Variants in ZBTB25 observed in about 807,000 individuals in gnomAD.
ZBTB25 encodes zinc finger and BTB domain containing 25, also known as zinc finger and BTB domain-containing protein 25.
ZBTB25 carries 20 observed loss-of-function variants against 34.2 expected under a neutral mutation model. The ratio of observed to expected loss-of-function variants is 0.58; its 90% CI spans 0.41 to 0.85. The LOEUF (loss-of-function observed/expected upper bound fraction) is 0.85, where lower values mean the gene tolerates loss of function less well. ZBTB25 is among the 40% of genes least tolerant of loss of function. The probability of loss-of-function intolerance (pLI) is 0.00; values close to 1 mark genes in which losing one functional copy is unlikely to be tolerated. For missense variants in ZBTB25, 437 were observed against 521.8 expected, an observed-to-expected ratio of 0.84 and a Z score of 1.58; for synonymous variants, 175 against 186.4, an observed-to-expected ratio of 0.94 and a Z score of 0.50.
rs537580963 is a variant in ZBTB25, at chr14:64,484,437, T to C, written c.*2486A>G. Reference sequence around the variant, plus strand: ...TGGCTCACACCTGTAATCCCAGCACTATGGGAGGCCGAGGCTGGTGCATGA... The same window carrying C: ...TGGCTCACACCTGTAATCCCAGCACCATGGGAGGCCGAGGCTGGTGCATGA... On this transcript the variant is annotated 3_prime_UTR_variant, in exon 3 of 3. Coordinates refer to ENST00000608382, the MANE Select transcript of ZBTB25 (RefSeq NM_006977.5). The C allele has an allele frequency of 6.6e-6, 1 of 152,438 alleles. No homozygotes were observed. The highest frequency in any genetic ancestry group is 2.4e-5 in the African/African-American group (1 of 41,552). 9.4% of individuals were successfully genotyped at this position (152,438 alleles called of 1,614,324 possible).
chr14:64,485,142 C>T lies in ZBTB25; in HGVS notation c.*1781G>A. The T allele has an allele frequency of 1.0e-6, 1 of 985,396 alleles. No homozygotes were observed. The highest frequency in any genetic ancestry group is 1.2e-6 in the Non-Finnish European group (1 of 829,928). The allele number at this position is 985,396 out of a possible 1,614,324, so 61.0% of individuals were successfully genotyped here. A position where few individuals can be genotyped will look rare whatever the true frequency, so the allele number is the denominator to read the frequency against. ...AAAAACTTACCACTTTGTAATTTAC[C>T]TAAACTGTTTACCTAGAGAAAACCT... On this transcript the variant is annotated 3_prime_UTR_variant, in exon 3 of 3. Coordinates refer to ENST00000608382, the MANE Select transcript of ZBTB25 (RefSeq NM_006977.5).
chr14:64,500,624 G>A (rs1212149232), intron 1 of ZBTB25, among the ~76,000 whole-genome samples: 7 of 151,576 alleles, frequency 4.6e-5, no homozygotes, highest in Non-Finnish European at 8.8e-5. Flanking sequence ...TGGTGAAACC[G>A]TCTCTACTAA....
At position 64,483,023 on chromosome 14, in the gene ZBTB25, A is replaced by C. The variant is rs2078812049; in HGVS notation, c.*3900T>G. 6.6e-6 allele frequency: 1 copy of C among 152,238 alleles called. No individual in the cohort carries two copies. The highest frequency in any genetic ancestry group is 1.5e-5 in the Non-Finnish European group (1 of 68,036). 9.4% of individuals were successfully genotyped at this position (152,238 alleles called of 1,614,324 possible). A position where few individuals can be genotyped will look rare whatever the true frequency, so the allele number is the denominator to read the frequency against. On this transcript the variant is annotated 3_prime_UTR_variant, in exon 3 of 3. Coordinates refer to ENST00000608382, the MANE Select transcript of ZBTB25 (RefSeq NM_006977.5). The stretch of plus-strand genomic sequence containing the variant: ...TGTGCTGAGTTCTGATGATACGCTA[A>C]TAAGAACAAATACTAAAACAGTCTC...
chr14:64,466,200 A>T (rs2078611497), intron 2 of ZBTB25, among the ~76,000 whole-genome samples: 1 of 152,192 alleles, frequency 6.6e-6, no homozygotes, highest in Non-Finnish European at 1.5e-5. Flanking sequence ...GGACTTTAAG[A>T]TTTCCTGAGG....
At position 64,484,956 on chromosome 14, in the gene ZBTB25, T is replaced by C; in HGVS notation, c.*1967A>G. On this transcript the variant is annotated 3_prime_UTR_variant, in exon 3 of 3. Coordinates refer to ENST00000608382, the MANE Select transcript of ZBTB25 (RefSeq NM_006977.5). ...GACAAAGTTCTGACCCCAAAGAACA[T>C]ACATTTGTTTTAATTACTCCCAATA... The C allele has an allele frequency of 1.0e-6, 1 of 968,308 alleles. No homozygotes were observed. Among genetic ancestry groups the C allele is most frequent in the Non-Finnish European group, 1.2e-6 (1 of 814,348 alleles). 60.0% of individuals were successfully genotyped at this position (968,308 alleles called of 1,614,324 possible).
chr14:64,464,853 G>A (rs1566585112), intron 2 of ZBTB25, among the ~76,000 whole-genome samples: 1 of 152,190 alleles, frequency 6.6e-6, no homozygotes, highest in Admixed American at 6.5e-5. Flanking sequence ...TGTCCGCATA[G>A]AGATGCAGCT....
chr14:64,454,770 G>T, intron 2 of ZBTB25: 1 of 1,613,994 alleles, frequency 6.2e-7, no homozygotes, highest in Non-Finnish European at 8.5e-7. Context: ...ACTTGTCTTT[G>T]TCTCACAACC....
At chr14:64,496,462 G>A (rs1020852916) in intron 1 of ZBTB25, among the ~76,000 whole-genome samples, 4 of 152,166 alleles carry the variant, frequency 2.6e-5, no homozygotes, top group African/African-American at 4.8e-5. Flanking sequence ...CTGCATTCCA[G>A]CCTGGGCTAC....
At chr14:64,468,992 A>T in intron 2 of ZBTB25, 1 of 1,614,190 alleles carries the variant, frequency 6.2e-7, no homozygotes, top group Non-Finnish European at 8.5e-7. Context: ...ATCAAATGTG[A>T]GCAATAGCAC....
At chr14:64,490,273 G>A (rs550947080) in intron 2 of ZBTB25, 88 bp downstream of exon 2, 65 of 727,412 alleles carry the variant, frequency 8.9e-5, no homozygotes, top group Admixed American at 5.6e-4. Flanking sequence ...GTGTGACTCC[G>A]TAACAAAGAA....
At chr14:64,502,659 C>T (rs1354908832) in intron 1 of ZBTB25, 6 of 985,264 alleles carry the variant, frequency 6.1e-6, no homozygotes. Context: ...TGACCTCCGC[C>T]GGATACATTC....
chr14:64,470,372 CTAAG>C (rs2078655934), intron 2 of ZBTB25: 1 of 165,064 alleles, frequency 6.1e-6, no homozygotes, highest in African/African-American at 2.4e-5. Flanking sequence ...GGTGGATCAG[CTAAG>C]GTCAGGAGTT....
intron 2 of ZBTB25, chr14:64,458,170 T>A: frequency 6.9e-7 from 1 of 1,455,222 alleles, no homozygotes; most frequent in Non-Finnish European, 9.7e-7. Flanking sequence ...CGTGAGCCAC[T>A]GTGCCCAGCA....
intron 2 of ZBTB25, chr14:64,468,645 G>A (rs1429969083): frequency 1.9e-6 from 3 of 1,613,824 alleles, no homozygotes; most frequent in South Asian, 1.1e-5. Flanking sequence ...TCACTCAAAC[G>A]TCTTGTAACA....
At chr14:64,467,277 G>A (rs918737020) in intron 2 of ZBTB25, 2 of 152,192 alleles carry the variant, frequency 1.3e-5, no homozygotes, top group Non-Finnish European at 2.9e-5. Context: ...TCATCTGTAC[G>A]TGGTGATACC....
In ZBTB25 at chr14:64,487,111, T is replaced by A; in HGVS notation, c.1120A>T (p.Lys374Ter). Residue 374 changes from lysine (K) to a stop codon, truncating the protein, a stop_gained, in exon 3 of 3, where the codon AAA (lysine) becomes TAA (stop). Transcript: ENST00000608382. LOFTEE classifies it high-confidence loss of function. ...TGGCATCGGTTATATCTGTAAGATT[T>A]ACCTTTGTGTGTATACATGTGTTCC... Reference protein sequence around the residue: ...LLEHMYTHKGKSYRYNRCQRF... With the variant: ...LLEHMYTHKG 6.2e-7 allele frequency: 1 copy of A among 1,614,270 alleles called. No individual in the cohort carries two copies. The highest frequency in any genetic ancestry group is 8.5e-7 in the Non-Finnish European group (1 of 1,180,044).
rs370018572 is a variant in ZBTB25 at position 64,487,986 on chromosome 14, G to A, written c.245C>T (p.Thr82Met). ...CACAATCTGTTTTGGCCCTTTCCCC[G>A]TGTACATAATGTGCAACAAATAGCT... ...IFSYLLHIMY[T>M]GKGPKQIVDH... The change falls in exon 3 of 3, where the codon ACG becomes ATG. Residue 82 changes from threonine to methionine, a missense_variant. Physicochemically the swap from Thr to Met is moderately conservative, Grantham distance 81. Transcript: ENST00000608382. 142 of 1,613,948 alleles carry A rather than the reference G, an allele frequency of 8.8e-5. 1 individual carries two copies. The highest frequency in any genetic ancestry group is 7.9e-4 in the South Asian group (72 of 91,084).
chr14:64,489,540 C>CTTT (rs372078564), intron 2 of ZBTB25, among the ~76,000 whole-genome samples: 79 of 142,516 alleles, frequency 5.5e-4, no homozygotes, highest in Non-Finnish European at 9.2e-4. Context: ...TTTCCTTTTT[C>CTTT]TTTTTTTTTT....
At position 64,483,179 on chromosome 14, in the gene ZBTB25, G is replaced by A. The variant is rs886106829; in HGVS notation, c.*3744C>T. Reference sequence around the variant, plus strand: ...ATATGACATTTCCAGTTTCAAGCTTGGTAATCATTATGCAAACTGCACTAT... The same window carrying A: ...ATATGACATTTCCAGTTTCAAGCTTAGTAATCATTATGCAAACTGCACTAT... On this transcript the variant is annotated 3_prime_UTR_variant, in exon 3 of 3. Transcript: ENST00000608382. The A allele has an allele frequency of 3.9e-5, 6 of 152,142 alleles. No individual in the cohort carries two copies. Among genetic ancestry groups the A allele is most frequent in the African/African-American group, 1.4e-4 (6 of 41,426 alleles). The allele number at this position is 152,142 out of a possible 1,614,324, so 9.4% of individuals were successfully genotyped here. A position where few individuals can be genotyped will look rare whatever the true frequency, so the allele number is the denominator to read the frequency against.
Sources: allele counts gnomAD v4.1 joint callset (sites outside exome capture counted in the v4.1 genomes callset), GRCh38; gene constraint gnomAD v4.1.1; transcripts MANE v1.5; gene names NCBI Gene and HGNC (gene_info 2026-07-23, HGNC 2026-07-21).